NR3C2: variants seen among roughly 807,000 people sequenced by gnomAD.
The protein encoded by NR3C2 is nuclear receptor subfamily 3 group C member 2.
A neutral mutation model predicts 86.4 loss-of-function variants in NR3C2; 15 were observed. That is an observed-to-expected ratio of 0.17 (90% CI 0.12 to 0.27). NR3C2 has a LOEUF of 0.27. Ranked by LOEUF, NR3C2 falls within the 10% of genes least tolerant of loss-of-function variation. NR3C2 has a pLI of 1.00. For synonymous variants in NR3C2, 458 were observed against 450.5 expected (o/e 1.02, Z -0.21); for missense variants, 960 against 1,195.6 (o/e 0.80, Z 2.91).
At chr4:148,148,075 C>A (rs115514675) in intron 6 of NR3C2, among the ~76,000 whole-genome samples, 4 of 81,664 alleles carry the variant, frequency 4.9e-5, no homozygotes, top group Non-Finnish European at 9.6e-5. Flanking sequence ...CTATATAATA[C>A]GTCTTCTTGG....
At chr4:148,139,457 T>G (rs557013243) in intron 6 of NR3C2, among the ~76,000 whole-genome samples, 16 of 152,170 alleles carry the variant, frequency 1.1e-4, no homozygotes, top group Non-Finnish European at 1.8e-4. Context: ...CTAAACTGAT[T>G]ATCAGTTACT....
intron 2 of NR3C2, among the ~76,000 whole-genome samples, chr4:148,350,994 T>C (rs1047735783): frequency 4.6e-5 from 7 of 152,282 alleles, no homozygotes; most frequent in African/African-American, 1.4e-4. Context: ...CATTTGAACA[T>C]ATAGGTGTTC....
At chr4:148,413,947 C>T (rs1748860168) in intron 2 of NR3C2, among the ~76,000 whole-genome samples, 2 of 152,158 alleles carry the variant, frequency 1.3e-5, no homozygotes, top group Non-Finnish European at 2.9e-5. Flanking sequence ...AATTCTACTT[C>T]TAATTATATA....
At chr4:148,197,837 T>C (rs1736510910) in intron 3 of NR3C2, among the ~76,000 whole-genome samples, 1 of 152,198 alleles carries the variant, frequency 6.6e-6, no homozygotes, top group African/African-American at 2.4e-5. Context: ...CCTACACAAA[T>C]ATATAATGTG....
chr4:148,342,326 G>A (rs923688362), intron 2 of NR3C2, among the ~76,000 whole-genome samples: 2 of 152,042 alleles, frequency 1.3e-5, no homozygotes, highest in South Asian at 2.1e-4. Flanking sequence ...ACAAAGGTGC[G>A]TGACGGTCAG....
chr4:148,349,022 A>C (rs1233313714), intron 2 of NR3C2, among the ~76,000 whole-genome samples: 1 of 152,210 alleles, frequency 6.6e-6, no homozygotes, highest in Non-Finnish European at 1.5e-5. Flanking sequence ...TCTAGAAAGA[A>C]GAGTAAAATA....
chr4:148,085,758 A>G (rs7690778), intron 8 of NR3C2, among the ~76,000 whole-genome samples: 90,447 of 152,000 alleles, frequency 0.6, 27,198 homozygotes, highest in East Asian at 0.82. Context: ...AATGAAGAAA[A>G]GAGAGAAGAA....
At chr4:148,202,833 T>A (rs1736795725) in intron 3 of NR3C2, among the ~76,000 whole-genome samples, 1 of 152,216 alleles carries the variant, frequency 6.6e-6, no homozygotes, top group South Asian at 2.1e-4. Context: ...CTTTCCCAGA[T>A]CTGGAGCTCA....
intron 8 of NR3C2, among the ~76,000 whole-genome samples, chr4:148,088,717 G>T (rs961576105): frequency 2.0e-5 from 3 of 151,870 alleles, no homozygotes; most frequent in Non-Finnish European, 4.4e-5. Flanking sequence ...CCTGTTGGAG[G>T]GTGGGGGGCT....
intron 3 of NR3C2, among the ~76,000 whole-genome samples, chr4:148,207,725 T>C (rs1468755095): frequency 2.0e-5 from 3 of 152,152 alleles, no homozygotes; most frequent in Non-Finnish European, 4.4e-5. Flanking sequence ...AAGCCAACAG[T>C]ACAGTAGTCT....
At chr4:148,136,745 C>T (rs1034015760) in intron 6 of NR3C2, among the ~76,000 whole-genome samples, 2 of 152,024 alleles carry the variant, frequency 1.3e-5, no homozygotes, top group Non-Finnish European at 2.9e-5. Context: ...CTCCAAGATT[C>T]GAGGGGTTCT....
chr4:148,081,218 A>C lies in NR3C2; in HGVS notation c.*126T>G. 1 of 1,351,294 alleles carries C rather than the reference A, an allele frequency of 7.4e-7. No individual in the cohort carries two copies. Among genetic ancestry groups the C allele is most frequent in the Admixed American group, 1.9e-5 (1 of 52,082 alleles). 83.7% of individuals were successfully genotyped at this position (1,351,294 alleles called of 1,614,324 possible). On this transcript the variant is annotated 3_prime_UTR_variant, in exon 9 of 9. Transcript: ENST00000358102. ...GCTCCAAACCTCTGACATGACTTTAAACTTGAGAAACTGTTGAACAAGTGT... is the reference window on the plus strand; with the variant it reads ...GCTCCAAACCTCTGACATGACTTTACACTTGAGAAACTGTTGAACAAGTGT...
At position 148,219,802 on chromosome 4, in the gene NR3C2, G is replaced by A. The variant is rs10025629; in HGVS notation, c.1898-24940C>T. ...TTTCAGAAAATATACGTTAATATGC[G>A]ATGAGTTTTATTGTTATTTTTAAAG... On this transcript the variant is annotated intron_variant, in intron 3 of 8. Transcript: ENST00000358102. Among the ~76,000 whole-genome samples the A allele has an allele frequency of 8.0e-3, 1,220 of 152,184 alleles. 12 individuals are homozygous for A. Among genetic ancestry groups the A allele is most frequent in the African/African-American group, 0.028 (1,161 of 41,518 alleles).
At chr4:148,365,500 T>A (rs529391237) in intron 2 of NR3C2, among the ~76,000 whole-genome samples, 1 of 152,300 alleles carries the variant, frequency 6.6e-6, no homozygotes, top group Admixed American at 6.5e-5. Flanking sequence ...AAAGTCTACG[T>A]AACCCTTATC....
chr4:148,099,146 C>T (rs1731423113), intron 8 of NR3C2, among the ~76,000 whole-genome samples: 2 of 152,220 alleles, frequency 1.3e-5, no homozygotes, highest in South Asian at 4.1e-4. Flanking sequence ...TTATATTATG[C>T]CTAGGCCAGG....
At chr4:148,088,156 A>G (rs1460114149) in intron 8 of NR3C2, among the ~76,000 whole-genome samples, 6 of 152,248 alleles carry the variant, frequency 3.9e-5, no homozygotes, top group African/African-American at 1.4e-4. Flanking sequence ...CAAAACCACA[A>G]TGAGATACCA....
chr4:148,405,814 T>C (rs1748393675), intron 2 of NR3C2, among the ~76,000 whole-genome samples: 1 of 152,182 alleles, frequency 6.6e-6, no homozygotes, highest in South Asian at 2.1e-4. Flanking sequence ...TTGCTGGCCT[T>C]GCCACTATTC....
At chr4:148,205,492 T>G (rs1162381877) in intron 3 of NR3C2, among the ~76,000 whole-genome samples, 1 of 152,252 alleles carries the variant, frequency 6.6e-6, no homozygotes, top group Admixed American at 6.5e-5. Flanking sequence ...AGGATACATG[T>G]TTTTAACCAC....
intron 6 of NR3C2, among the ~76,000 whole-genome samples, chr4:148,130,794 T>TG (rs1553988166): frequency 2.6e-5 from 3 of 114,312 alleles, no homozygotes; most frequent in Non-Finnish European, 3.5e-5. Context: ...CACGTTTTTT[T>TG]TTTTGTTTTG....
Sources: gnomAD v4.1 joint callset for allele counts (sites outside exome capture counted in the v4.1 genomes callset) on GRCh38, gnomAD v4.1.1 for gene constraint, MANE v1.5 for transcripts, NCBI Gene and HGNC (gene_info 2026-07-23, HGNC 2026-07-21) for gene names.